The following COMMD1 variants were observed in gnomAD, a reference collection of about 807,000 sequenced individuals.
COMMD1 encodes the protein copper metabolism domain containing 1, also known as COMM domain-containing protein 1.
COMMD1 carries 10 observed loss-of-function variants against 17.2 expected under a neutral mutation model. The observed-to-expected ratio is 0.58, with a 90% confidence interval of 0.36 to 0.99. The LOEUF (loss-of-function observed/expected upper bound fraction) is 0.99, where lower values mean the gene tolerates loss of function less well. COMMD1 is among the 50% of genes least tolerant of loss of function. COMMD1 has a pLI of 0.01. For missense variants in COMMD1, 270 were observed against 231.8 expected, an observed-to-expected ratio of 1.17 and a Z score of -1.07; for synonymous variants, 97 against 91.6, an observed-to-expected ratio of 1.06 and a Z score of -0.34.
At chr2:62,126,857 T>G (rs971160531) in intron 2 of COMMD1, among the ~76,000 whole-genome samples, 5 of 152,176 alleles carry the variant, frequency 3.3e-5, no homozygotes, top group Non-Finnish European at 4.4e-5. Flanking sequence ...CTATTCAACA[T>G]AGTATTGAAA....
intron 2 of COMMD1, among the ~76,000 whole-genome samples, chr2:62,016,791 C>T (rs1377210261): frequency 6.6e-6 from 1 of 152,108 alleles, no homozygotes; most frequent in East Asian, 1.9e-4. Context: ...ATTGCCAAAT[C>T]CAATGTCATG....
At chr2:62,062,080 T>G (rs1670876226) in intron 2 of COMMD1, among the ~76,000 whole-genome samples, 1 of 151,924 alleles carries the variant, frequency 6.6e-6, no homozygotes, top group Non-Finnish European at 1.5e-5. Context: ...CTGACCTGGA[T>G]TTGAATCCTG....
At chr2:61,937,954 A>G (rs1670644417) in intron 1 of COMMD1, among the ~76,000 whole-genome samples, 1 of 151,804 alleles carries the variant, frequency 6.6e-6, no homozygotes, top group South Asian at 2.1e-4. Flanking sequence ...TCGCCCTTAC[A>G]CTCTCATGCG....
chr2:62,134,040 G>C (rs888696819), intron 2 of COMMD1, among the ~76,000 whole-genome samples: 12 of 152,072 alleles, frequency 7.9e-5, no homozygotes, highest in African/African-American at 2.4e-4. Context: ...GGCTTCAAGT[G>C]ATCCTCCTGC....
chr2:62,045,485 G>C (rs1287931166), intron 2 of COMMD1, among the ~76,000 whole-genome samples: 1 of 151,854 alleles, frequency 6.6e-6, no homozygotes, highest in African/African-American at 2.4e-5. Context: ...GTCTTACAAA[G>C]GCGGTTTTTG....
chr2:61,905,725 T>C lies in COMMD1; in HGVS notation c.47T>C (p.Leu16Pro). ...GGTGGCAAACCCCTGAGCGGGCTGC[T>C]GAATGCGCTGGCCCAGGACACTTTC... ...LEGGKPLSGL[L>P]NALAQDTFHG... The change falls in exon 1 of 3, where the codon CTG (leucine) becomes CCG (proline). Residue 16 changes from leucine to proline, a missense_variant. Coordinates refer to ENST00000311832, the MANE Select transcript of COMMD1 (RefSeq NM_152516.4). The C allele has an allele frequency of 6.2e-7, 1 of 1,610,038 alleles. No homozygotes were observed. The highest frequency in any genetic ancestry group is 8.5e-7 in the Non-Finnish European group (1 of 1,177,858).
intron 2 of COMMD1, among the ~76,000 whole-genome samples, chr2:62,074,220 G>GA (rs539753553): frequency 9.5e-4 from 144 of 152,258 alleles, no homozygotes; most frequent in Non-Finnish European, 1.5e-3. Flanking sequence ...GATTTTTATT[G>GA]AGATTTCATT....
At chr2:62,004,746 G>A (rs1165410759) in intron 2 of COMMD1, among the ~76,000 whole-genome samples, 1 of 152,192 alleles carries the variant, frequency 6.6e-6, no homozygotes, top group Non-Finnish European at 1.5e-5. Flanking sequence ...TCCTTGGTTA[G>A]TACTTATGCC....
intron 2 of COMMD1, among the ~76,000 whole-genome samples, chr2:62,023,055 C>T (rs1323836027): frequency 6.6e-6 from 1 of 152,078 alleles, no homozygotes; most frequent in Non-Finnish European, 1.5e-5. Flanking sequence ...GGTGAAACCT[C>T]GACTCTACTA....
chr2:61,958,392 G>A (rs567725496), intron 1 of COMMD1, among the ~76,000 whole-genome samples: 3 of 151,636 alleles, frequency 2.0e-5, no homozygotes, highest in African/African-American at 7.3e-5. Flanking sequence ...TCAGCCTCCC[G>A]AGTAGCTGGG....
chr2:62,010,687 T>A (rs1317714083), intron 2 of COMMD1, among the ~76,000 whole-genome samples: 1 of 152,188 alleles, frequency 6.6e-6, no homozygotes, highest in African/African-American at 2.4e-5. Flanking sequence ...CTTTTTGTTT[T>A]CTCCTACCCA....
chr2:62,131,897 T>C (rs1164269343), intron 2 of COMMD1, among the ~76,000 whole-genome samples: 1 of 138,636 alleles, frequency 7.2e-6, no homozygotes, highest in African/African-American at 2.6e-5. Context: ...CACACACACA[T>C]TTTTTTTTTT....
At chr2:62,093,854 A>G (rs1033406552) in intron 2 of COMMD1, among the ~76,000 whole-genome samples, 1 of 152,196 alleles carries the variant, frequency 6.6e-6, no homozygotes, top group Non-Finnish European at 1.5e-5. Flanking sequence ...GCTACTCCAA[A>G]AGCATATTGG....
At chr2:62,020,204 G>T (rs1669575112) in intron 2 of COMMD1, among the ~76,000 whole-genome samples, 1 of 152,222 alleles carries the variant, frequency 6.6e-6, no homozygotes, top group Non-Finnish European at 1.5e-5. Context: ...GATTGGTCAG[G>T]TGTATGATAA....
intron 1 of COMMD1, among the ~76,000 whole-genome samples, chr2:61,999,425 G>T (rs1005698975): frequency 1.3e-5 from 2 of 152,048 alleles, no homozygotes; most frequent in African/African-American, 2.4e-5. Flanking sequence ...GCTGAAGATG[G>T]GCTTCAAAGC....
chr2:61,950,635 A>C (rs12328726), intron 1 of COMMD1, among the ~76,000 whole-genome samples: 34 of 152,348 alleles, frequency 2.2e-4, no homozygotes, highest in African/African-American at 7.7e-4. Context: ...CCAAGTTGCC[A>C]GCATCGCTAT....
At chr2:62,001,196 G>C in intron 2 of COMMD1, 1 of 555,376 alleles carries the variant, frequency 1.8e-6, no homozygotes, top group Non-Finnish European at 3.2e-6. Context: ...AGCTGTCTCA[G>C]AAGAACAGAA....
chr2:61,970,466 A>C (rs1356295477), intron 1 of COMMD1, among the ~76,000 whole-genome samples: 2 of 152,112 alleles, frequency 1.3e-5, no homozygotes, highest in African/African-American at 4.8e-5. Context: ...ACTCTCCCAT[A>C]TACTTTAAAT....
chr2:62,008,049 C>T (rs957082330), intron 2 of COMMD1, among the ~76,000 whole-genome samples: 1 of 152,064 alleles, frequency 6.6e-6, no homozygotes, highest in East Asian at 1.9e-4. Context: ...AGATGTGATA[C>T]TGCATGTCTG....
Sources: allele counts gnomAD v4.1 joint callset (sites outside exome capture counted in the v4.1 genomes callset), GRCh38; gene constraint gnomAD v4.1.1; transcripts MANE v1.5; gene names NCBI Gene and HGNC (gene_info 2026-07-23, HGNC 2026-07-21).